POLQ: variants seen among roughly 807,000 people sequenced by gnomAD.
POLQ encodes DNA polymerase theta.
Under a neutral mutation model 259.2 loss-of-function variants are expected in POLQ, and 233 were observed. That is an observed-to-expected ratio of 0.90 (90% CI 0.81 to 1.00). The LOEUF (loss-of-function observed/expected upper bound fraction) is 1.00, where lower values mean the gene tolerates loss of function less well. Among genes scored for constraint, POLQ ranks in the 50% least tolerant of loss-of-function variants. The probability of loss-of-function intolerance (pLI) is 0.00; values close to 1 mark genes in which losing one functional copy is unlikely to be tolerated. For synonymous variants in POLQ, 1,025 were observed against 1,048.8 expected, an observed-to-expected ratio of 0.98 and a Z score of 0.44; for missense variants, 2,871 against 3,051.6, an observed-to-expected ratio of 0.94 and a Z score of 1.39.
At chr3:121,501,616 C>G (rs1170533613) in intron 12 of POLQ, among the ~76,000 whole-genome samples, 7 of 130,324 alleles carry the variant, frequency 5.4e-5, no homozygotes, top group Non-Finnish European at 9.4e-5. Context: ...GAGCCGAGAT[C>G]CCGCCACTGC....
intron 24 of POLQ, among the ~76,000 whole-genome samples, chr3:121,467,172 A>G (rs567906629): frequency 6.6e-6 from 1 of 152,308 alleles, no homozygotes; most frequent in East Asian, 1.9e-4. Context: ...GAGAAATTGA[A>G]GAAGGAGTTG....
intron 28 of POLQ, among the ~76,000 whole-genome samples, chr3:121,434,891 G>A (rs538752545): frequency 6.6e-6 from 1 of 152,230 alleles, no homozygotes; most frequent in Non-Finnish European, 1.5e-5. Flanking sequence ...GATGGCTCAC[G>A]CTGGTAATCC....
At chr3:121,541,854 G>A (rs1352405186) in intron 2 of POLQ, among the ~76,000 whole-genome samples, 1 of 152,142 alleles carries the variant, frequency 6.6e-6, no homozygotes, top group Admixed American at 6.5e-5. Flanking sequence ...GCTGGGCATG[G>A]TGGCTCATGC....
intron 22 of POLQ, among the ~76,000 whole-genome samples, chr3:121,470,241 G>C (rs866361812): frequency 2.6e-5 from 4 of 152,142 alleles, no homozygotes; most frequent in Non-Finnish European, 5.9e-5. Context: ...TCTGGCGACA[G>C]AGCGAGACTC....
chr3:121,455,074 A>C (rs2047720759), intron 25 of POLQ, among the ~76,000 whole-genome samples: 1 of 152,016 alleles, frequency 6.6e-6, no homozygotes, highest in South Asian at 2.1e-4. Context: ...CAGGATTAAG[A>C]AACTCACTCA....
rs552419915 is a variant in POLQ, at chr3:121,476,554, C to A, written c.6391G>T (p.Asp2131Tyr). ...CATGATACAACCTCAGCGATGTCAT[C>A]TGAACTGGTGAAAGAAAAACTGTGG... is the stretch of plus-strand genomic sequence containing the variant. ...AGHSFSFTSS[D>Y]DIAEVLFLEL... is the part of the protein sequence containing the mutation. The change falls in exon 20 of 30, where the codon GAT becomes TAT. Residue 2131 changes from aspartate to tyrosine, a missense_variant. Coordinates refer to ENST00000264233, the MANE Select transcript of POLQ (RefSeq NM_199420.4). 1.2e-6 allele frequency: 2 copies of A among 1,613,022 alleles called. No homozygotes were observed. Among genetic ancestry groups the A allele is most frequent in the South Asian group, 2.2e-5 (2 of 90,968 alleles).
At chr3:121,481,031 T>A (rs779871504) in intron 19 of POLQ, among the ~76,000 whole-genome samples, 6 of 152,180 alleles carry the variant, frequency 3.9e-5, no homozygotes, top group African/African-American at 1.4e-4. Context: ...ACAATGACAA[T>A]AAATTCATGT....
chr3:121,496,778 A>T (rs367942423), intron 14 of POLQ, 30 bp downstream of exon 14: 2 of 1,587,426 alleles, frequency 1.3e-6, no homozygotes, highest in African/African-American at 2.7e-5. Flanking sequence ...CACAGTATTA[A>T]ATAAATGTGA....
chr3:121,437,802 A>G (rs1187875844), intron 27 of POLQ, among the ~76,000 whole-genome samples: 3 of 152,262 alleles, frequency 2.0e-5, no homozygotes, highest in African/African-American at 7.2e-5. Context: ...AAATAGATAA[A>G]TTATGGTATA....
chr3:121,511,822 T>TA (rs1420059187), intron 10 of POLQ, 65 bp downstream of exon 10: 1 of 1,201,980 alleles, frequency 8.3e-7, no homozygotes, highest in Non-Finnish European at 1.2e-6. Flanking sequence ...AAGATTTTCA[T>TA]ATACTAACAT....
chr3:121,467,478 C>T (rs1338075626), intron 24 of POLQ, 41 bp downstream of exon 24: 2 of 1,599,914 alleles, frequency 1.3e-6, no homozygotes, highest in Middle Eastern at 3.3e-4. Context: ...GAAAAACATT[C>T]TCACAGCAAT....
intron 9 of POLQ, among the ~76,000 whole-genome samples, chr3:121,516,738 A>C (rs2048300280): frequency 6.6e-6 from 1 of 152,200 alleles, no homozygotes; most frequent in Admixed American, 6.5e-5. Context: ...AGGAATATAA[A>C]ATGCACAGAA....
chr3:121,526,278 G>A (rs934465423), intron 7 of POLQ, among the ~76,000 whole-genome samples: 6 of 152,202 alleles, frequency 3.9e-5, no homozygotes, highest in Non-Finnish European at 8.8e-5. Flanking sequence ...AACGAATCCA[G>A]AGAAGGGGTT....
chr3:121,453,892 T>C (rs1396365913), intron 25 of POLQ, among the ~76,000 whole-genome samples: 1 of 152,124 alleles, frequency 6.6e-6, no homozygotes, highest in Non-Finnish European at 1.5e-5. Context: ...GCCACAAAGA[T>C]ACTCCTCGAG....
chr3:121,481,985 T>A (rs1245929115), intron 18 of POLQ, among the ~76,000 whole-genome samples, 173 bp from the exon 19 acceptor site: 1 of 152,208 alleles, frequency 6.6e-6, no homozygotes, highest in East Asian at 1.9e-4. Flanking sequence ...ACAGGACTCA[T>A]TTTTGGTAGC....
Position 121,493,517 on chromosome 3 carries a change from T to C in POLQ, c.2483A>G (p.Glu828Gly), listed in dbSNP as rs749037779. Reference sequence around the variant, plus strand: ...AGCATTTTTCAGAATCACCTCCACCTCCACAATATTTGCTCTAGCAAGGTC... The same window carrying C: ...AGCATTTTTCAGAATCACCTCCACCCCCACAATATTTGCTCTAGCAAGGTC... Reference protein sequence around the residue: ...VADLARANIVEVEVILKNAVP... With the variant: ...VADLARANIVGVEVILKNAVP... Residue 828 changes from glutamate (E) to glycine (G), a missense_variant, in exon 15 of 30, where the codon GAG (glutamate) becomes GGG (glycine). By Grantham distance (98) the Glu-to-Gly change is moderately conservative. This residue lies in a region of POLQ where 2,080 missense variants were observed against 2,126.0 expected (regional missense o/e 0.98). Transcript: ENST00000264233. 3 of 1,613,738 alleles carry C rather than the reference T, an allele frequency of 1.9e-6. No homozygotes were observed. In the South Asian group the frequency reaches 3.3e-5, roughly 18 times the overall value.
At chr3:121,539,300 G>A (rs1374934677) in intron 4 of POLQ, 133 bp downstream of exon 4, 1 of 666,782 alleles carries the variant, frequency 1.5e-6, no homozygotes, top group African/African-American at 1.8e-5. Context: ...CATTACAGAT[G>A]CCAATCCTTG....
chr3:121,531,190 AAAT>A (rs896092895), intron 6 of POLQ, among the ~76,000 whole-genome samples: 2 of 151,990 alleles, frequency 1.3e-5, no homozygotes, highest in African/African-American at 2.4e-5. Context: ...TCCATCTCAA[AAAT>A]AATAATAATA....
chr3:121,477,942 T>A (rs923966367), intron 19 of POLQ, among the ~76,000 whole-genome samples: 2 of 152,158 alleles, frequency 1.3e-5, no homozygotes, highest in Non-Finnish European at 2.9e-5. Context: ...TTTAGAAGCC[T>A]GGAACTAGTG....
Sources: allele counts gnomAD v4.1 joint callset (sites outside exome capture counted in the v4.1 genomes callset), GRCh38; gene constraint gnomAD v4.1.1; regional missense constraint gnomAD v4.1.1; transcripts MANE v1.5; gene names NCBI Gene and HGNC (gene_info 2026-07-23, HGNC 2026-07-21).